PHF24: variants seen among roughly 807,000 people sequenced by gnomAD.
PHF24 encodes the protein Galpha inhibitory interacting protein.
Under a neutral mutation model 42.6 loss-of-function variants are expected in PHF24, and 25 were observed. That is an observed-to-expected ratio of 0.59 (90% CI 0.43 to 0.82). The LOEUF (loss-of-function observed/expected upper bound fraction) is 0.82, where lower values mean the gene tolerates loss of function less well. PHF24 is among the 40% of genes least tolerant of loss of function. The pLI is 0.00. For missense variants in PHF24, 470 were observed against 538.1 expected (o/e 0.87, Z 1.25); for synonymous variants, 185 against 204.8 (o/e 0.90, Z 0.83).
the PHF24 span, among the ~76,000 whole-genome samples, chr9:34,704,844 G>A: frequency 6.6e-6 from 1 of 152,074 alleles, no homozygotes; most frequent in African/African-American, 2.4e-5. Context: ...CAAAAAAGGA[G>A]CAAATAAAAA....
chr9:34,736,657 AG>A, the PHF24 span, among the ~76,000 whole-genome samples: 6 of 152,256 alleles, frequency 3.9e-5, no homozygotes, highest in Non-Finnish European at 8.8e-5. Context: ...CAAGAAGCTC[AG>A]AGAATACTAA....
chr9:34,687,819 G>A, the PHF24 span, among the ~76,000 whole-genome samples: 14 of 152,188 alleles, frequency 9.2e-5, no homozygotes, highest in East Asian at 2.7e-3. Flanking sequence ...TGCGGGGCAC[G>A]GGGTCCACAG....
the PHF24 span, among the ~76,000 whole-genome samples, chr9:34,803,944 G>A: frequency 1.3e-5 from 2 of 152,112 alleles, no homozygotes; most frequent in African/African-American, 4.8e-5. Flanking sequence ...TCATATAGAT[G>A]CTAAGAAAGA....
the PHF24 span, among the ~76,000 whole-genome samples, chr9:34,678,615 C>T: frequency 6.6e-6 from 1 of 151,930 alleles, no homozygotes; most frequent in African/African-American, 2.4e-5. Flanking sequence ...GATTAAGAGC[C>T]ACCATGCCTG....
chr9:34,812,504 C>T, the PHF24 span, among the ~76,000 whole-genome samples: 234 of 152,284 alleles, frequency 1.5e-3, no homozygotes, highest in Non-Finnish European at 2.7e-3. Context: ...AATTTAGTAG[C>T]TCTTCCCTGA....
the PHF24 span, among the ~76,000 whole-genome samples, chr9:34,815,577 G>A: frequency 1.3e-4 from 20 of 152,148 alleles, no homozygotes; most frequent in East Asian, 2.7e-3. Flanking sequence ...CTGCCTTGGC[G>A]TCCCCAAGTG....
chr9:34,902,254 G>A, the PHF24 span, among the ~76,000 whole-genome samples: 1 of 152,030 alleles, frequency 6.6e-6, no homozygotes, highest in Non-Finnish European at 1.5e-5. Context: ...TGTATAAAAT[G>A]TATTATCCTA....
At chr9:34,802,950 A>T in the PHF24 span, among the ~76,000 whole-genome samples, 6 of 152,142 alleles carry the variant, frequency 3.9e-5, no homozygotes, top group Non-Finnish European at 8.8e-5. Flanking sequence ...ATTCTAATAG[A>T]CCCTGATTAA....
At chr9:34,889,058 G>A in the PHF24 span, 1 of 398,414 alleles carries the variant, frequency 2.5e-6, no homozygotes, top group Non-Finnish European at 4.4e-6. Flanking sequence ...GGCACAAACA[G>A]GTGGCTCTTT....
At chr9:34,765,108 C>A in the PHF24 span, among the ~76,000 whole-genome samples, 1 of 151,378 alleles carries the variant, frequency 6.6e-6, no homozygotes, top group South Asian at 2.1e-4. Context: ...CTGAGGAGAG[C>A]TTTACTTCCA....
At chr9:34,759,321 C>T in the PHF24 span, among the ~76,000 whole-genome samples, 1 of 152,198 alleles carries the variant, frequency 6.6e-6, no homozygotes, top group Non-Finnish European at 1.5e-5. Context: ...ATCACATCCT[C>T]CCTGAGGCAC....
chr9:34,939,126 C>G, the PHF24 span, among the ~76,000 whole-genome samples: 1 of 150,172 alleles, frequency 6.7e-6, no homozygotes, highest in South Asian at 2.1e-4. Flanking sequence ...ACTAAAAATA[C>G]AAAACTCACC....
chr9:34,821,613 G>T, the PHF24 span, among the ~76,000 whole-genome samples: 1 of 152,270 alleles, frequency 6.6e-6, no homozygotes, highest in South Asian at 2.1e-4. Context: ...CCTCCATCAG[G>T]CTCTCTAACG....
At chr9:34,775,599 G>A in the PHF24 span, among the ~76,000 whole-genome samples, 1 of 152,062 alleles carries the variant, frequency 6.6e-6, no homozygotes, top group Non-Finnish European at 1.5e-5. Context: ...TGAGGTACAT[G>A]GAAACTGTAC....
the PHF24 span, among the ~76,000 whole-genome samples, chr9:34,860,768 A>G: frequency 6.6e-6 from 1 of 152,182 alleles, no homozygotes; most frequent in Non-Finnish European, 1.5e-5. Context: ...ATTTCTATAA[A>G]GAATACAAGT....
At chr9:34,801,560 T>C in the PHF24 span, among the ~76,000 whole-genome samples, 1 of 152,042 alleles carries the variant, frequency 6.6e-6, no homozygotes, top group African/African-American at 2.4e-5. Flanking sequence ...ACCCTGTCTC[T>C]ACTAAAAATA....
chr9:34,813,882 C>CA, the PHF24 span, among the ~76,000 whole-genome samples: 1 of 151,494 alleles, frequency 6.6e-6, no homozygotes, highest in South Asian at 2.1e-4. Context: ...TGTTAGAGAC[C>CA]GTCCCCACCA....
At chr9:34,762,865 A>G in the PHF24 span, among the ~76,000 whole-genome samples, 3 of 152,102 alleles carry the variant, frequency 2.0e-5, no homozygotes, top group Non-Finnish European at 4.4e-5. Flanking sequence ...ATCTCGAATT[A>G]ATTTTGGTAT....
the PHF24 span, among the ~76,000 whole-genome samples, chr9:34,930,297 G>A: frequency 6.6e-6 from 1 of 152,178 alleles, no homozygotes; most frequent in Non-Finnish European, 1.5e-5. Flanking sequence ...GAGAAGGAAC[G>A]TGAGATAAGA....
Sources: gnomAD v4.1 joint callset for allele counts (sites outside exome capture counted in the v4.1 genomes callset) on GRCh38, gnomAD v4.1.1 for gene constraint, MANE v1.5 for transcripts, NCBI Gene and HGNC (gene_info 2026-07-23, HGNC 2026-07-21) for gene names.